FXR1: variants seen among roughly 807,000 people sequenced by gnomAD.
FXR1 encodes the protein FMR1 autosomal homolog 1.
FXR1 carries 15 observed loss-of-function variants against 84.0 expected under a neutral mutation model. The ratio of observed to expected loss-of-function variants is 0.18; its 90% CI spans 0.12 to 0.27. FXR1 has a LOEUF of 0.27. Among genes scored for constraint, FXR1 ranks in the 10% least tolerant of loss-of-function variants. The pLI is 1.00. For synonymous variants in FXR1, 245 were observed against 250.7 expected (o/e 0.98, Z 0.21); for missense variants, 480 against 774.4 (o/e 0.62, Z 4.51).
intron 1 of FXR1, among the ~76,000 whole-genome samples, chr3:180,916,456 GGAGCGCAGTGGTGC>G (rs1297366600): frequency 1.3e-5 from 2 of 152,166 alleles, no homozygotes; most frequent in African/African-American, 4.8e-5. Flanking sequence ...CACAGTGGTG[GGAGCGCAGTGGTGC>G]GATCTCGGCT....
intron 3 of FXR1, among the ~76,000 whole-genome samples, chr3:180,941,509 A>G (rs972793013): frequency 1.3e-5 from 2 of 152,182 alleles, no homozygotes; most frequent in Admixed American, 1.3e-4. Flanking sequence ...TATAAAAGAT[A>G]TACATGGATT....
At chr3:180,954,907 G>A (rs1490740713) in intron 9 of FXR1, among the ~76,000 whole-genome samples, 4 of 123,854 alleles carry the variant, frequency 3.2e-5, no homozygotes, top group Non-Finnish European at 6.5e-5. Flanking sequence ...TCATTAGTAA[G>A]TAGTATATTC....
intron 1 of FXR1, among the ~76,000 whole-genome samples, chr3:180,913,293 G>A (rs973478270): frequency 6.6e-6 from 1 of 152,186 alleles, no homozygotes; most frequent in Non-Finnish European, 1.5e-5. Flanking sequence ...CGGATTGAGG[G>A]TTAGGATCAA....
rs368717976 is a variant in FXR1, at chr3:180,981,341, C to G, written c.*5049C>G. ...TTAAGAAGCTAGTTCCCTAATTTTTCTCAGTTCTCATTGGTTTTCCATTTA... is the reference window on the plus strand; with the variant it reads ...TTAAGAAGCTAGTTCCCTAATTTTTGTCAGTTCTCATTGGTTTTCCATTTA... On this transcript the variant is annotated 3_prime_UTR_variant, in exon 17 of 17. Transcript: ENST00000357559. The G allele has an allele frequency of 6.6e-6, 1 of 151,944 alleles. No homozygotes were observed. The allele number at this position is 151,944 out of a possible 1,614,324, so 9.4% of individuals were successfully genotyped here. A position where few individuals can be genotyped will look rare whatever the true frequency, so the allele number is the denominator to read the frequency against.
intron 16 of FXR1, 147 bp from the exon 17 acceptor site, chr3:180,975,975 A>C (rs1714190013): frequency 1.7e-6 from 1 of 595,370 alleles, no homozygotes; most frequent in Non-Finnish European, 3.0e-6. Flanking sequence ...TTTGTTTTGA[A>C]TTTTAAAGAT....
At position 180,912,762 on chromosome 3, in the gene FXR1, G is replaced by T. The variant is rs759932216; in HGVS notation, c.51+26G>T. On this transcript the variant is annotated intron_variant, in intron 1 of 16. Coordinates refer to ENST00000357559, the MANE Select transcript of FXR1 (RefSeq NM_005087.4). Reference sequence around the variant, plus strand: ...GTACTGACCGTTTTGCCACTTTGTCGAGTGTTCTGGGTGCTGGAGCGCGTT... The same window carrying T: ...GTACTGACCGTTTTGCCACTTTGTCTAGTGTTCTGGGTGCTGGAGCGCGTT... 14 of 1,614,044 alleles carry T rather than the reference G, an allele frequency of 8.7e-6. No individual in the cohort carries two copies. The South Asian group carries it at 1.1e-4, about 13-fold the overall frequency.
chr3:180,914,900 A>G, intron 1 of FXR1: 1 of 983,522 alleles, frequency 1.0e-6, no homozygotes, highest in Non-Finnish European at 1.2e-6. Context: ...TTGCATATGC[A>G]CTTTGTGGAA....
intron 9 of FXR1, among the ~76,000 whole-genome samples, chr3:180,954,897 T>C (rs9876847): frequency 7.5e-6 from 1 of 133,924 alleles, no homozygotes; most frequent in Non-Finnish European, 1.6e-5. Flanking sequence ...TTTTTTTTGG[T>C]CATTAGTAAG....
chr3:180,981,336 T>C lies in FXR1; in HGVS notation c.*5044T>C, dbSNP rs1295901943. On this transcript the variant is annotated 3_prime_UTR_variant, in exon 17 of 17. Transcript: ENST00000357559. ...ATATATTAAGAAGCTAGTTCCCTAA[T>C]TTTTCTCAGTTCTCATTGGTTTTCC... The C allele has an allele frequency of 6.6e-5, 10 of 152,056 alleles. No homozygotes were observed. Among genetic ancestry groups the C allele is most frequent in the Non-Finnish European group, 1.5e-4 (10 of 67,938 alleles). The allele number at this position is 152,056 out of a possible 1,614,324, so 9.4% of individuals were successfully genotyped here.
chr3:180,943,381 A>G (rs1375070589), intron 3 of FXR1, among the ~76,000 whole-genome samples: 1 of 139,964 alleles, frequency 7.1e-6, no homozygotes, highest in African/African-American at 2.7e-5. Flanking sequence ...TCCTGCCTCA[A>G]CCTCCCAAGT....
rs1714237437 is a variant in FXR1, at chr3:180,976,295, T to C, written c.*3T>C. ...CAGTCCTGAATGGTGTTTCATAAAC[T>C]GAAGAAGTTCCTAGTTTACAGTTCT... is the stretch of plus-strand genomic sequence containing the variant. On this transcript the variant is annotated 3_prime_UTR_variant, in exon 17 of 17. Transcript: ENST00000357559. 1.3e-6 allele frequency: 2 copies of C among 1,570,668 alleles called. No homozygotes were observed. The highest frequency in any genetic ancestry group is 3.7e-5 in the Admixed American group (2 of 53,452).
intron 15 of FXR1, among the ~76,000 whole-genome samples, chr3:180,973,753 T>A (rs943589264): frequency 3.3e-5 from 5 of 152,228 alleles, no homozygotes; most frequent in African/African-American, 1.2e-4. Flanking sequence ...AAATGATGTA[T>A]GTAAGTTCTG....
intron 1 of FXR1, chr3:180,927,813 A>G (rs1719410773): frequency 7.0e-6 from 3 of 429,578 alleles, no homozygotes; most frequent in African/African-American, 6.2e-5. Flanking sequence ...TTTCCTGTGA[A>G]TTACTTGTTC....
intron 1 of FXR1, among the ~76,000 whole-genome samples, chr3:180,931,887 C>G (rs1350906089): frequency 6.6e-6 from 1 of 151,224 alleles, no homozygotes; most frequent in South Asian, 2.1e-4. Flanking sequence ...ACCACAGACA[C>G]GCCACCAGGC....
At chr3:180,933,704 T>C (rs1720197284) in intron 2 of FXR1, among the ~76,000 whole-genome samples, 1 of 152,204 alleles carries the variant, frequency 6.6e-6, no homozygotes, top group Non-Finnish European at 1.5e-5. Flanking sequence ...TAGAAGGTCT[T>C]CCAGTTGACT....
rs1380330660 is a variant in FXR1 at position 180,977,957 on chromosome 3, G to GAATTTT, written c.*1668_*1673dup. The GAATTTT allele has an allele frequency of 2.0e-5, 3 of 151,906 alleles. No individual in the cohort carries two copies. The highest frequency in any genetic ancestry group is 4.4e-5 in the Non-Finnish European group (3 of 67,952). 9.4% of individuals were successfully genotyped at this position (151,906 alleles called of 1,614,324 possible). Reference sequence around the variant, plus strand: ...GCCTTCTGATTGGTTCTTGGTAACAGAATTTTAAAGTAAGGTGTGAGTAGT... The same window carrying GAATTTT: ...GCCTTCTGATTGGTTCTTGGTAACAGAATTTTAATTTTAAAGTAAGGTGTGAGTAGT... On this transcript the variant is annotated 3_prime_UTR_variant, in exon 17 of 17. Transcript: ENST00000357559.
chr3:180,928,240 G>A (rs997065731), intron 1 of FXR1, among the ~76,000 whole-genome samples: 17 of 150,582 alleles, frequency 1.1e-4, no homozygotes, highest in African/African-American at 2.2e-4. Flanking sequence ...ATTCCTAAAC[G>A]ACTTTAGGCC....
chr3:180,971,209 C>A (rs1553779220), intron 15 of FXR1: 1 of 561,450 alleles, frequency 1.8e-6, no homozygotes, highest in Non-Finnish European at 2.7e-6. Flanking sequence ...AAAAAAATGT[C>A]TATGTCTGCT....
intron 2 of FXR1, 75 bp downstream of exon 2, chr3:180,933,461 A>G (rs1720170628): frequency 2.5e-6 from 2 of 791,294 alleles, no homozygotes; most frequent in African/African-American, 1.7e-5. Flanking sequence ...GGGTGTTCCT[A>G]CTGCCAGTGG....
Sources: gnomAD v4.1 joint callset for allele counts (sites outside exome capture counted in the v4.1 genomes callset) on GRCh38, gnomAD v4.1.1 for gene constraint, MANE v1.5 for transcripts, NCBI Gene and HGNC (gene_info 2026-07-23, HGNC 2026-07-21) for gene names.